The following ST3GAL3 variants were observed in gnomAD, a reference collection of about 807,000 sequenced individuals.
ST3GAL3 encodes CMP-N-acetylneuraminate-beta-1,4-galactoside alpha-2,3-sialyltransferase.
A neutral mutation model predicts 50.1 loss-of-function variants in ST3GAL3; 21 were observed. That is an observed-to-expected ratio of 0.42 (90% confidence interval 0.30 to 0.60). The LOEUF (loss-of-function observed/expected upper bound fraction) is 0.60. Ranked by LOEUF, ST3GAL3 falls within the 20% of genes least tolerant of loss-of-function variation. The pLI, the probability that ST3GAL3 is intolerant of heterozygous loss-of-function variation, is 0.19. For missense variants in ST3GAL3, 353 were observed against 489.4 expected, an observed-to-expected ratio of 0.72 and a Z score of 2.63; for synonymous variants, 183 against 190.0, an observed-to-expected ratio of 0.96 and a Z score of 0.30.
chr1:43,884,159 C>T (rs561385240), intron 5 of ST3GAL3, among the ~76,000 whole-genome samples: 3 of 152,172 alleles, frequency 2.0e-5, no homozygotes, highest in African/African-American at 2.4e-5. Flanking sequence ...TGGATGGGGC[C>T]GTGTTTTCCA....
intron 6 of ST3GAL3, among the ~76,000 whole-genome samples, chr1:43,897,771 C>T (rs976785392): frequency 1.3e-5 from 2 of 152,178 alleles, no homozygotes; most frequent in African/African-American, 4.8e-5. Flanking sequence ...GTGGTGAGCT[C>T]TTCAGTTGCT....
chr1:43,804,384 T>A (rs1368245824), intron 3 of ST3GAL3, among the ~76,000 whole-genome samples: 1 of 152,178 alleles, frequency 6.6e-6, no homozygotes, highest in Non-Finnish European at 1.5e-5. Flanking sequence ...ATGCTTAAAT[T>A]TTCCTGCTAG....
At chr1:43,853,350 C>A (rs2154216123) in intron 5 of ST3GAL3, among the ~76,000 whole-genome samples, 1 of 152,304 alleles carries the variant, frequency 6.6e-6, no homozygotes, top group East Asian at 1.9e-4. Flanking sequence ...GAGATTTTTT[C>A]ATATTTTTTC....
At chr1:43,869,671 G>A (rs983506376) in intron 5 of ST3GAL3, among the ~76,000 whole-genome samples, 17 of 152,242 alleles carry the variant, frequency 1.1e-4, no homozygotes, top group Admixed American at 2.6e-4. Flanking sequence ...CACTCAGCAC[G>A]TATGATGGAA....
intron 10 of ST3GAL3, 90 bp from the exon 11 acceptor site, chr1:43,920,692 A>C: frequency 6.2e-7 from 1 of 1,611,008 alleles, no homozygotes; most frequent in Non-Finnish European, 8.5e-7. Flanking sequence ...CATGGAGGCT[A>C]GCTCTAGGGA....
At chr1:43,868,926 G>A (rs1279832249) in intron 5 of ST3GAL3, among the ~76,000 whole-genome samples, 1 of 152,100 alleles carries the variant, frequency 6.6e-6, no homozygotes, top group Non-Finnish European at 1.5e-5. Context: ...AATCCAAACT[G>A]TAGACAGCCC....
chr1:43,899,377 A>C lies in ST3GAL3; in HGVS notation c.557+114A>C. On this transcript the variant is annotated intron_variant, in intron 8 of 11. Coordinates refer to ENST00000347631, the MANE Select transcript of ST3GAL3 (RefSeq NM_006279.5). The surrounding 1 kb of genome is among the most constrained non-coding windows in gnomAD (Gnocchi z 5.4). ...GGGCTGGAGGTCAACGGAAGCCTCA[A>C]GAACTCTGGGTTGGAGGGCTTTGGA... The C allele has an allele frequency of 6.3e-7, 1 of 1,598,132 alleles. No individual in the cohort carries two copies. Among genetic ancestry groups the C allele is most frequent in the Non-Finnish European group, 8.5e-7 (1 of 1,172,258 alleles).
intron 5 of ST3GAL3, chr1:43,841,237 C>T (rs1157429619): frequency 6.6e-6 from 1 of 152,368 alleles, no homozygotes; most frequent in African/African-American, 2.4e-5. Flanking sequence ...TGGTGGCCCC[C>T]TTCTCACAGC....
At chr1:43,726,006 T>A (rs183369427) in intron 1 of ST3GAL3, among the ~76,000 whole-genome samples, 42 of 152,260 alleles carry the variant, frequency 2.8e-4, no homozygotes, top group African/African-American at 9.4e-4. Context: ...CATTAAAAAA[T>A]TTTTTTAAGT....
chr1:43,880,935 G>T (rs545280344), intron 5 of ST3GAL3, among the ~76,000 whole-genome samples: 1 of 151,966 alleles, frequency 6.6e-6, no homozygotes. Context: ...TTATTGTGAC[G>T]TTGATCATGT....
chr1:43,781,505 G>A (rs904679161), intron 2 of ST3GAL3, among the ~76,000 whole-genome samples: 1 of 151,920 alleles, frequency 6.6e-6, no homozygotes, highest in African/African-American at 2.4e-5. Flanking sequence ...CAGCTACTTG[G>A]GAGGCTGAGG....
chr1:43,884,066 A>T (rs2075585150), intron 5 of ST3GAL3, among the ~76,000 whole-genome samples: 1 of 152,166 alleles, frequency 6.6e-6, no homozygotes, highest in Non-Finnish European at 1.5e-5. Context: ...TAGCTTCTTG[A>T]GGAAAGGACC....
intron 9 of ST3GAL3, among the ~76,000 whole-genome samples, chr1:43,906,751 T>C (rs16831403): frequency 0.05 from 7,616 of 152,232 alleles, 615 homozygotes; most frequent in African/African-American, 0.17. Flanking sequence ...ATTATCATTA[T>C]AGCTGTCACT....
chr1:43,879,062 T>G, intron 5 of ST3GAL3: 3 of 456,206 alleles, frequency 6.6e-6, no homozygotes, highest in Non-Finnish European at 1.3e-5. Flanking sequence ...AGAGAATGAC[T>G]GCGGCAGGAA....
intron 5 of ST3GAL3, among the ~76,000 whole-genome samples, chr1:43,854,857 G>A (rs529229465): frequency 1.5e-4 from 23 of 152,250 alleles, no homozygotes; most frequent in East Asian, 3.9e-4. Flanking sequence ...CTAATGAGTC[G>A]TCAAGTCCTG....
intron 2 of ST3GAL3, among the ~76,000 whole-genome samples, chr1:43,782,200 C>T (rs1393915893): frequency 6.6e-6 from 1 of 152,174 alleles, no homozygotes; most frequent in South Asian, 2.1e-4. Context: ...TATTTCTACT[C>T]CCTTGTATTC....
intron 1 of ST3GAL3, among the ~76,000 whole-genome samples, chr1:43,725,220 T>A (rs1672362100): frequency 6.6e-6 from 1 of 152,174 alleles, no homozygotes; most frequent in African/African-American, 2.4e-5. Context: ...CTTTCTTTTT[T>A]TTGAGATGGA....
intron 2 of ST3GAL3, among the ~76,000 whole-genome samples, chr1:43,744,108 G>T (rs1298849047): frequency 6.6e-6 from 1 of 152,130 alleles, no homozygotes; most frequent in Non-Finnish European, 1.5e-5. Flanking sequence ...TTTGATTGGA[G>T]AATTTTAATG....
chr1:43,789,609 G>C (rs3791054), intron 2 of ST3GAL3, among the ~76,000 whole-genome samples: 28,398 of 152,092 alleles, frequency 0.19, 3,331 homozygotes, highest in African/African-American at 0.31. Context: ...GATGGCTCGT[G>C]CCTGTAATCC....
Sources: allele counts gnomAD v4.1 joint callset (sites outside exome capture counted in the v4.1 genomes callset), GRCh38; gene constraint gnomAD v4.1.1; non-coding constraint Gnocchi (gnomAD v3.1); transcripts MANE v1.5; gene names NCBI Gene and HGNC (gene_info 2026-07-23, HGNC 2026-07-21).